The following OPRM1 variants were observed in gnomAD, a reference collection of about 807,000 sequenced individuals.
The protein encoded by OPRM1 is opioid receptor mu 1.
OPRM1 carries 27 observed loss-of-function variants against 31.8 expected under a neutral mutation model. That is an observed-to-expected ratio of 0.85 (90% CI 0.63 to 1.17). The LOEUF (loss-of-function observed/expected upper bound fraction) is 1.17. Among genes scored for constraint, OPRM1 ranks in the 50% most tolerant of loss-of-function variants. The probability of loss-of-function intolerance (pLI) is 0.00; values close to 1 mark genes in which losing one functional copy is unlikely to be tolerated. For missense variants in OPRM1, 536 were observed against 511.1 expected (o/e 1.05, Z -0.47); for synonymous variants, 196 against 189.9 (o/e 1.03, Z -0.26).
intron 3 of OPRM1, among the ~76,000 whole-genome samples, chr6:154,177,652 A>T (rs1241169292): frequency 2.0e-5 from 3 of 152,244 alleles, no homozygotes; most frequent in Admixed American, 1.3e-4. Context: ...GATGCTGGAG[A>T]GGATGTGGAG....
intron 1 of OPRM1, chr6:154,073,895 G>C: frequency 6.6e-6 from 1 of 152,208 alleles, no homozygotes; most frequent in East Asian, 1.9e-4. Flanking sequence ...GGGAGGCTGA[G>C]GCAGCAGAAT....
rs185748368 is a variant in OPRM1 at position 154,161,645 on chromosome 6, T to C, written c.1164+70173T>C. ...TCTCATGCCTTCCAATGATGCCCTCTGAGAACTTACCGAGGTACATTTAGG... is the reference window on the plus strand; with the variant it reads ...TCTCATGCCTTCCAATGATGCCCTCCGAGAACTTACCGAGGTACATTTAGG... On this transcript the variant is annotated intron_variant, in intron 3 of 3. Transcript: ENST00000337049. Among the ~76,000 whole-genome samples the C allele has an allele frequency of 8.4e-4, 128 of 152,340 alleles. No individual in the cohort carries two copies. In the Middle Eastern group the frequency reaches 0.014, roughly 16 times the overall value.
At chr6:154,109,786 C>CTGTGTG (rs1437900032) in intron 3 of OPRM1, among the ~76,000 whole-genome samples, 3 of 92,296 alleles carry the variant, frequency 3.3e-5, no homozygotes, top group African/African-American at 1.1e-4. Context: ...CTCTCTCTCT[C>CTGTGTG]TCTCTCTGTG....
At chr6:154,109,448 A>G (rs1303573860) in intron 3 of OPRM1, among the ~76,000 whole-genome samples, 2 of 152,248 alleles carry the variant, frequency 1.3e-5, no homozygotes, top group Non-Finnish European at 2.9e-5. Context: ...GCTGTGAGTT[A>G]TAGAGATTTT....
At chr6:154,087,616 T>C in intron 1 of OPRM1, 1 of 984,228 alleles carries the variant, frequency 1.0e-6, no homozygotes, top group Non-Finnish European at 1.2e-6. Context: ...TCTTTGTCCA[T>C]AAGTCTCAAA....
chr6:154,054,367 CAAAAAA>C (rs1194794442), intron 1 of OPRM1, among the ~76,000 whole-genome samples: 891 of 53,022 alleles, frequency 0.017, 2 homozygotes, highest in African/African-American at 0.041. Context: ...GACTCCGTCT[CAAAAAA>C]AAAAAAAAAA....
intron 3 of OPRM1, among the ~76,000 whole-genome samples, chr6:154,211,505 C>T (rs1777963856): frequency 6.6e-6 from 1 of 151,972 alleles, no homozygotes; most frequent in Non-Finnish European, 1.5e-5. Context: ...CTTGAGCATG[C>T]CATTCAACAT....
intron 3 of OPRM1, chr6:154,212,912 T>C: frequency 8.4e-7 from 1 of 1,187,230 alleles, no homozygotes. Flanking sequence ...TATTCCATAA[T>C]GCATGAGCAG....
intron 3 of OPRM1, among the ~76,000 whole-genome samples, chr6:154,092,980 C>T (rs746140405): frequency 2.1e-4 from 32 of 152,234 alleles, no homozygotes; most frequent in Non-Finnish European, 4.0e-4. Flanking sequence ...GCTAAACCTA[C>T]TCCTTTTACT....
At chr6:154,135,423 T>C (rs1798032054), downstream of OPRM1, among the ~76,000 whole-genome samples, 1 of 151,744 alleles carries the variant, frequency 6.6e-6, no homozygotes, top group African/African-American at 2.4e-5. Flanking sequence ...TGAACCGAGA[T>C]CATGCCACTG....
intron 3 of OPRM1, among the ~76,000 whole-genome samples, chr6:154,116,698 A>T (rs1796919483): frequency 6.6e-6 from 1 of 152,154 alleles, no homozygotes; most frequent in Non-Finnish European, 1.5e-5. Context: ...ACATGATTCT[A>T]TCTCAATGAC....
At chr6:154,178,211 C>G (rs1800523603) in intron 3 of OPRM1, among the ~76,000 whole-genome samples, 1 of 152,238 alleles carries the variant, frequency 6.6e-6, no homozygotes, top group South Asian at 2.1e-4. Context: ...ATGGCTGTAG[C>G]AAACCACCAT....
intron 2 of OPRM1, 152 bp downstream of exon 2, chr6:154,090,330 T>TA (rs1323661060): frequency 3.3e-6 from 2 of 607,758 alleles, no homozygotes; most frequent in Admixed American, 3.1e-5. Flanking sequence ...TTTGAATACT[T>TA]AAAAATAGGA....
In OPRM1 at chr6:154,052,812, T is replaced by C. The variant is rs886706853; in HGVS notation, c.290+12978T>C. ...CTAGTACTTAGTAGGTGTGTATATT[T>C]ATGGGGTATGTATATACCCACAAAA... On this transcript the variant is annotated intron_variant, in intron 1 of 3. Coordinates refer to ENST00000330432, the MANE Select transcript of OPRM1 (RefSeq NM_000914.5). Among the ~76,000 whole-genome samples, 6 of 152,348 alleles carry C rather than the reference T, an allele frequency of 3.9e-5. No homozygotes were observed. In the Middle Eastern group the frequency reaches 0.01, roughly 259 times the overall value.
chr6:154,068,564 C>T (rs780737835), intron 1 of OPRM1, among the ~76,000 whole-genome samples: 24 of 152,194 alleles, frequency 1.6e-4, no homozygotes, highest in Non-Finnish European at 2.5e-4. Context: ...AAGTCGTATC[C>T]CATTGTGTAT....
chr6:154,189,632 A>C (rs12213117), intron 3 of OPRM1, among the ~76,000 whole-genome samples: 2,250 of 152,330 alleles, frequency 0.015, 30 homozygotes, highest in Non-Finnish European at 0.024. Context: ...TATTACCCAG[A>C]TTTGATCATT....
chr6:154,220,617 G>A (rs1321949509), intron 3 of OPRM1, among the ~76,000 whole-genome samples: 5 of 152,254 alleles, frequency 3.3e-5, no homozygotes, highest in East Asian at 3.9e-4. Flanking sequence ...ACTCCAGCCT[G>A]GGCAACAGAA....
chr6:154,167,962 G>A (rs149391128), intron 3 of OPRM1: 159 of 1,604,310 alleles, frequency 9.9e-5, no homozygotes, highest in Admixed American at 5.5e-4. Flanking sequence ...GGAGTTTCTC[G>A]TTTATAGATG....
At chr6:154,110,295 G>A (rs1796199628) in intron 3 of OPRM1, 1 of 865,362 alleles carries the variant, frequency 1.2e-6, no homozygotes, top group African/African-American at 1.7e-5. Context: ...ACTATACATT[G>A]CTAAGAATAA....
Sources: allele counts gnomAD v4.1 joint callset (sites outside exome capture counted in the v4.1 genomes callset), GRCh38; gene constraint gnomAD v4.1.1; transcripts MANE v1.5; gene names NCBI Gene and HGNC (gene_info 2026-07-23, HGNC 2026-07-21).